The following PCTP variants were observed in gnomAD, a reference collection of about 807,000 sequenced individuals.
The protein encoded by PCTP is START domain-containing protein 2.
Under a neutral mutation model 31.0 loss-of-function variants are expected in PCTP, and 27 were observed. The ratio of observed to expected loss-of-function variants is 0.87; its 90% CI spans 0.64 to 1.20. PCTP has a LOEUF of 1.20. Among genes scored for constraint, PCTP ranks in the 50% most tolerant of loss-of-function variants. PCTP has a pLI of 0.00. For missense variants in PCTP, 287 were observed against 268.2 expected, an observed-to-expected ratio of 1.07 and a Z score of -0.49; for synonymous variants, 108 against 101.2, an observed-to-expected ratio of 1.07 and a Z score of -0.40.
In PCTP at chr17:55,767,331, A is replaced by G; in HGVS notation, c.142-4A>G. ...AGACATTTCTACCTGTTCTGTTTTTATAGAAGACTGGACTTTATGAGTATA... is the reference window on the plus strand; with the variant it reads ...AGACATTTCTACCTGTTCTGTTTTTGTAGAAGACTGGACTTTATGAGTATA... On this transcript the variant is annotated splice_polypyrimidine_tract_variant and splice_region_variant and intron_variant, in intron 1 of 5. Coordinates refer to ENST00000268896, the MANE Select transcript of PCTP (RefSeq NM_021213.4). 3 of 1,577,240 alleles carry G rather than the reference A, an allele frequency of 1.9e-6. No individual in the cohort carries two copies. The highest frequency in any genetic ancestry group is 1.1e-5 in the South Asian group (1 of 89,322).
At chr17:55,783,862 C>T (rs1004002211) in intron 2 of PCTP, among the ~76,000 whole-genome samples, 7 of 152,138 alleles carry the variant, frequency 4.6e-5, no homozygotes, top group African/African-American at 1.7e-4. Flanking sequence ...GCGACGGTGC[C>T]GAGTCCCTGG....
At position 55,816,109 on chromosome 17, in the gene PCTP, A is replaced by G. The variant is rs189424545; in HGVS notation, c.318-6652A>G. Among the ~76,000 whole-genome samples the G allele has an allele frequency of 6.6e-5, 10 of 152,314 alleles. No homozygotes were observed. The East Asian group carries it at 1.2e-3, about 18-fold the overall frequency. ...ACAGCTTTATTGAGATATCATTCAC[A>G]TATCTCACATACGATTCACCCATTT... On this transcript the variant is annotated intron_variant, in intron 3 of 3. Coordinates refer to the PCTP transcript ENST00000572536.
chr17:55,792,135 C>A (rs1332628270), intron 3 of PCTP, among the ~76,000 whole-genome samples: 4 of 125,516 alleles, frequency 3.2e-5, no homozygotes, highest in African/African-American at 1.3e-4. Flanking sequence ...GAAGGGGAAC[C>A]TCACACTCTG....
At chr17:55,833,713 G>A (rs991958989) in intron 5 of PCTP, among the ~76,000 whole-genome samples, 1 of 152,196 alleles carries the variant, frequency 6.6e-6, no homozygotes, top group Admixed American at 6.5e-5. Flanking sequence ...GCTCAAGTTT[G>A]AGAACCACTT....
chr17:55,751,290 G>T, intron 1 of PCTP, 46 bp downstream of exon 1: 1 of 1,519,808 alleles, frequency 6.6e-7, no homozygotes. Flanking sequence ...GAATGCGCCG[G>T]GGTCGACCTC....
rs982233091 is a variant in PCTP, at chr17:55,758,621, G to A, written c.141+7377G>A. On this transcript the variant is annotated intron_variant, in intron 1 of 5. Transcript: ENST00000268896. ...CATTCTTGAGCCCTGGTCACTTATG[G>A]AGCTGAAATTTACTTGTGGGCAGAG... 4.6e-5 allele frequency among the ~76,000 whole-genome samples: 7 copies of A among 152,146 alleles called. 1 individual carries two copies. In the South Asian group the frequency reaches 1.0e-3, roughly 22 times the overall value.
intron 2 of PCTP, among the ~76,000 whole-genome samples, chr17:55,767,794 A>G (rs1202240718): frequency 1.3e-5 from 1 of 79,234 alleles, no homozygotes; most frequent in East Asian, 4.2e-4. Flanking sequence ...TTGATCATTA[A>G]AAAGTAGATC....
chr17:55,763,013 TC>T (rs542455012), intron 1 of PCTP, among the ~76,000 whole-genome samples: 41 of 152,292 alleles, frequency 2.7e-4, no homozygotes, highest in African/African-American at 9.4e-4. Context: ...TAGAAAAGTA[TC>T]CATTATATTT....
chr17:55,808,995 A>G (rs545126315), intron 3 of PCTP, among the ~76,000 whole-genome samples: 1 of 152,364 alleles, frequency 6.6e-6, no homozygotes, highest in South Asian at 2.1e-4. Flanking sequence ...AAACATCTAC[A>G]CAATGCAAAG....
intron 3 of PCTP, among the ~76,000 whole-genome samples, chr17:55,789,772 A>C (rs1359562004): frequency 2.6e-5 from 4 of 152,244 alleles, no homozygotes; most frequent in South Asian, 4.1e-4. Context: ...CAATCAGTAG[A>C]AAAAGAGGGA....
At position 55,761,804 on chromosome 17, in the gene PCTP, C is replaced by T. The variant is rs985828273; in HGVS notation, c.142-5531C>T. ...AGTACATTTTAGCAACATTTATGTA[C>T]TTCTGTACTGTTTTAATGAATTTAT... On this transcript the variant is annotated intron_variant, in intron 1 of 5. Transcript: ENST00000268896. Among the ~76,000 whole-genome samples, 3 of 151,714 alleles carry T rather than the reference C, an allele frequency of 2.0e-5. No homozygotes were observed. In the South Asian group the frequency reaches 6.2e-4, roughly 31 times the overall value.
intron 2 of PCTP, 127 bp downstream of exon 2, chr17:55,767,579 C>T: frequency 1.8e-6 from 1 of 542,998 alleles, no homozygotes; most frequent in Non-Finnish European, 3.2e-6. Context: ...ATTCTCCTGC[C>T]TCAGCCTCCT....
rs150966849 is a variant in PCTP, at chr17:55,813,365, A to G, written c.318-9396A>G. Among the ~76,000 whole-genome samples the G allele has an allele frequency of 6.2e-3, 943 of 152,206 alleles. 12 individuals carry two copies. The highest frequency in any genetic ancestry group is 0.021 in the African/African-American group (876 of 41,520). On this transcript the variant is annotated intron_variant, in intron 3 of 3. Coordinates refer to the PCTP transcript ENST00000572536. ...CGGCTCACTGCAACCTCTGCCTCCC[A>G]TGTTCAAGTGATTCTCCTGCTTCAG...
At chr17:55,773,519 C>G in intron 3 of PCTP, 1 of 528,188 alleles carries the variant, frequency 1.9e-6, no homozygotes, top group Non-Finnish European at 3.4e-6. Flanking sequence ...GTAATACATG[C>G]TCTTTGGTGA....
intron 1 of PCTP, among the ~76,000 whole-genome samples, chr17:55,762,425 T>A (rs979436387): frequency 5.3e-5 from 8 of 151,940 alleles, no homozygotes; most frequent in African/African-American, 1.9e-4. Context: ...ATCTTCACAG[T>A]AAACTTTATG....
At chr17:55,767,490 C>T in intron 2 of PCTP, 38 bp downstream of exon 2, 2 of 1,366,626 alleles carry the variant, frequency 1.5e-6, no homozygotes, top group Non-Finnish European at 2.1e-6. Flanking sequence ...TTTAGACGTA[C>T]TTTCACTTTT....
chr17:55,834,470 G>T (rs900663953), intron 5 of PCTP, among the ~76,000 whole-genome samples: 2 of 152,148 alleles, frequency 1.3e-5, no homozygotes, highest in Non-Finnish European at 2.9e-5. Flanking sequence ...ACTCCTAAGT[G>T]GAAAAGATCT....
chr17:55,818,962 C>G (rs1452127901), intron 3 of PCTP, among the ~76,000 whole-genome samples: 1 of 137,050 alleles, frequency 7.3e-6, no homozygotes, highest in Non-Finnish European at 1.5e-5. Flanking sequence ...CTGTGGCTTC[C>G]TCTTTCCTGA....
chr17:55,842,796 A>G (rs1181511312), exon 6 of PCTP: 5 of 152,246 alleles, frequency 3.3e-5, no homozygotes, highest in Non-Finnish European at 7.3e-5. Context: ...GGAATTTCAT[A>G]GAGGCAGCGG....
Sources: gnomAD v4.1 joint callset for allele counts (sites outside exome capture counted in the v4.1 genomes callset) on GRCh38, gnomAD v4.1.1 for gene constraint, MANE v1.5 for transcripts, NCBI Gene and HGNC (gene_info 2026-07-23, HGNC 2026-07-21) for gene names.